Variants in ANKFN1 observed in about 807,000 individuals in gnomAD.
ANKFN1 encodes ankyrin repeat and fibronectin type III domain containing 1.
ANKFN1 carries 74 observed loss-of-function variants against 108.7 expected under a neutral mutation model. That is an observed-to-expected ratio of 0.68 (90% confidence interval 0.56 to 0.83). ANKFN1 has a LOEUF of 0.83. Ranked by LOEUF, ANKFN1 falls within the 40% of genes least tolerant of loss-of-function variation. ANKFN1 has a pLI of 0.00. For missense variants in ANKFN1, 1,505 were observed against 1,382.3 expected, an observed-to-expected ratio of 1.09 and a Z score of -1.41; for synonymous variants, 547 against 516.2, an observed-to-expected ratio of 1.06 and a Z score of -0.81.
Position 56,281,933 on chromosome 17 carries a change from TATAAA to T in ANKFN1, c.54-44285_54-44281del, listed in dbSNP as rs548329231. ...ATTGGAAAACTATTTGGTAATTGAT[TATAAA>T]ATTGAACATATCCCTACCTTAGGAC... On this transcript the variant is annotated intron_variant, in intron 3 of 20. Coordinates refer to ENST00000682825, the MANE Select transcript of ANKFN1 (RefSeq NM_001370326.1). Among the ~76,000 whole-genome samples, 233 of 152,286 alleles carry T rather than the reference TATAAA, an allele frequency of 1.5e-3. 1 individual carries two copies. The highest frequency in any genetic ancestry group is 5.3e-3 in the African/African-American group (222 of 41,568).
At chr17:56,325,838 A>T (rs918090813) in intron 3 of ANKFN1, among the ~76,000 whole-genome samples, 4 of 152,164 alleles carry the variant, frequency 2.6e-5, no homozygotes, top group African/African-American at 9.7e-5. Flanking sequence ...ATGCCAGACA[A>T]TATTTCTTTC....
chr17:56,118,147 A>AT (rs1359120183), intron 4 of ANKFN1, among the ~76,000 whole-genome samples: 3 of 152,000 alleles, frequency 2.0e-5, no homozygotes, highest in Non-Finnish European at 2.9e-5. Flanking sequence ...GGACATTTGT[A>AT]TTTTTTCTAC....
chr17:56,212,395 G>T (rs1253167360), intron 1 of ANKFN1, among the ~76,000 whole-genome samples: 1 of 152,082 alleles, frequency 6.6e-6, no homozygotes, highest in Non-Finnish European at 1.5e-5. Flanking sequence ...AAACCTACCT[G>T]ATCATGGTGG....
At chr17:56,354,108 A>G in intron 6 of ANKFN1, 62 bp downstream of exon 6, 1 of 1,511,398 alleles carries the variant, frequency 6.6e-7, no homozygotes, top group Admixed American at 1.9e-5. Flanking sequence ...TATGCCACCA[A>G]AATAGCCATT....
At chr17:56,079,344 A>G (rs1905217853) in intron 4 of ANKFN1, among the ~76,000 whole-genome samples, 1 of 152,164 alleles carries the variant, frequency 6.6e-6, no homozygotes, top group South Asian at 2.1e-4. Context: ...ACTGGCTCCA[A>G]TCACATACCT....
At chr17:56,229,168 AT>A (rs1916513605) in intron 3 of ANKFN1, among the ~76,000 whole-genome samples, 1 of 152,158 alleles carries the variant, frequency 6.6e-6, no homozygotes, top group Non-Finnish European at 1.5e-5. Flanking sequence ...CGTATTACGC[AT>A]TCACTGATAT....
intron 3 of ANKFN1, among the ~76,000 whole-genome samples, chr17:56,267,066 C>T (rs983797989): frequency 6.6e-6 from 1 of 152,140 alleles, no homozygotes; most frequent in Non-Finnish European, 1.5e-5. Context: ...CGTCCTCAGC[C>T]TCCTCCCACC....
intron 4 of ANKFN1, among the ~76,000 whole-genome samples, chr17:56,344,888 T>A (rs994369490): frequency 4.6e-5 from 7 of 152,038 alleles, no homozygotes; most frequent in Non-Finnish European, 7.4e-5. Context: ...GCGTGTTTTT[T>A]AATTTTACTT....
chr17:56,514,295 T>C lies in ANKFN1; in HGVS notation c.*3026T>C, dbSNP rs987262231. ...GATCCAAAGAATCAAGTGTGAAACATAGTCCTAGGCCACAAGAAGCTCACA... is the reference window on the plus strand; with the variant it reads ...GATCCAAAGAATCAAGTGTGAAACACAGTCCTAGGCCACAAGAAGCTCACA... On this transcript the variant is annotated 3_prime_UTR_variant, in exon 21 of 21. Coordinates refer to ENST00000682825, the MANE Select transcript of ANKFN1 (RefSeq NM_001370326.1). Among the ~76,000 whole-genome samples, 1 of 152,178 alleles carries C rather than the reference T, an allele frequency of 6.6e-6. No homozygotes were observed. The highest frequency in any genetic ancestry group is 6.5e-5 in the Admixed American group (1 of 15,282).
intron 6 of ANKFN1, 148 bp downstream of exon 6, chr17:56,354,194 C>T: frequency 2.7e-6 from 2 of 737,116 alleles, no homozygotes; most frequent in East Asian, 2.7e-5. Flanking sequence ...GGCTTTCATG[C>T]AAATAGTGAC....
chr17:56,323,906 T>C (rs188062197), intron 3 of ANKFN1, among the ~76,000 whole-genome samples: 1 of 152,286 alleles, frequency 6.6e-6, no homozygotes, highest in East Asian at 1.9e-4. Flanking sequence ...AGGGATATAA[T>C]GATGGCAGAG....
At chr17:56,062,747 G>C (rs776891324) in intron 4 of ANKFN1, among the ~76,000 whole-genome samples, 11 of 151,892 alleles carry the variant, frequency 7.2e-5, no homozygotes, top group Non-Finnish European at 1.6e-4. Flanking sequence ...TTAAGGTTAA[G>C]TGTGAATTTG....
chr17:56,416,845 CACATTT>C (rs2048254052), intron 8 of ANKFN1, among the ~76,000 whole-genome samples: 1 of 152,122 alleles, frequency 6.6e-6, no homozygotes, highest in Non-Finnish European at 1.5e-5. Context: ...GAAAATGTGG[CACATTT>C]ACACAGTGGA....
chr17:56,510,835 G>A lies in ANKFN1; in HGVS notation c.3007G>A (p.Gly1003Ser), dbSNP rs767680949. ...PLGFLGKRKP[G>S]KHPHYGGFSR... ...AGGCTTCCTGGGAAAGCGGAAGCCA[G>A]GCAAGCACCCCCACTATGGCGGCTT... Residue 1003 changes from glycine to serine, a missense_variant, in exon 21 of 21, where the codon GGC becomes AGC. Gly to Ser is a moderately conservative substitution (Grantham distance 56). Coordinates refer to ENST00000682825, the MANE Select transcript of ANKFN1 (RefSeq NM_001370326.1). 186 of 1,536,080 alleles carry A rather than the reference G, an allele frequency of 1.2e-4. No homozygotes were observed. Among genetic ancestry groups the A allele is most frequent in the Admixed American group, 2.7e-4 (14 of 50,994 alleles).
intron 20 of ANKFN1, among the ~76,000 whole-genome samples, chr17:56,504,972 C>T (rs1598735456): frequency 6.6e-6 from 1 of 152,018 alleles, no homozygotes; most frequent in East Asian, 1.9e-4. Flanking sequence ...CGCACCCAGC[C>T]CACTTAAAGT....
chr17:56,267,799 T>C (rs1300354074), intron 3 of ANKFN1, among the ~76,000 whole-genome samples: 1 of 152,218 alleles, frequency 6.6e-6, no homozygotes, highest in Non-Finnish European at 1.5e-5. Flanking sequence ...TATTGTAGGC[T>C]TCTAGTATAA....
chr17:56,074,881 G>C (rs866684846), intron 4 of ANKFN1, among the ~76,000 whole-genome samples: 2 of 152,202 alleles, frequency 1.3e-5, no homozygotes. Context: ...GAGCGGAGCA[G>C]AGCCAGCCAC....
At chr17:56,287,430 C>T (rs2044248035) in intron 3 of ANKFN1, among the ~76,000 whole-genome samples, 1 of 152,126 alleles carries the variant, frequency 6.6e-6, no homozygotes, top group South Asian at 2.1e-4. Flanking sequence ...GCGTTTAGTT[C>T]CTGCCATTAG....
At chr17:56,212,252 A>T (rs1009771119) in intron 1 of ANKFN1, among the ~76,000 whole-genome samples, 1 of 151,960 alleles carries the variant, frequency 6.6e-6, no homozygotes, top group Non-Finnish European at 1.5e-5. Context: ...TTATAAAGAG[A>T]TGCTGGATTT....
Sources: allele counts gnomAD v4.1 joint callset (sites outside exome capture counted in the v4.1 genomes callset), GRCh38; gene constraint gnomAD v4.1.1; transcripts MANE v1.5; gene names NCBI Gene and HGNC (gene_info 2026-07-23, HGNC 2026-07-21).